The following ATP9A variants were observed in gnomAD, a reference collection of about 807,000 sequenced individuals.
The protein encoded by ATP9A is ATPase phospholipid transporting 9A.
In ATP9A, 52 loss-of-function variants were observed where a neutral mutation model predicts 144.1. The observed-to-expected ratio is 0.36, with a 90% CI of 0.29 to 0.45. ATP9A has a LOEUF of 0.45. Among genes scored for constraint, ATP9A ranks in the 20% least tolerant of loss-of-function variants. ATP9A has a pLI of 1.00. For synonymous variants in ATP9A, 582 were observed against 557.4 expected (o/e 1.04, Z -0.62); for missense variants, 947 against 1,392.7 (o/e 0.68, Z 5.09).
chr20:51,602,376 T>C (rs2122701959), intron 27 of ATP9A, among the ~76,000 whole-genome samples: 1 of 152,278 alleles, frequency 6.6e-6, no homozygotes, highest in East Asian at 1.9e-4. Context: ...ACTCACCCTG[T>C]GGTTTTCCTA....
At chr20:51,706,558 C>T (rs955600624) in intron 4 of ATP9A, among the ~76,000 whole-genome samples, 1 of 152,182 alleles carries the variant, frequency 6.6e-6, no homozygotes, top group African/African-American at 2.4e-5. Context: ...CCCAGGAGTT[C>T]GAGACTGGCC....
chr20:51,750,941 G>A (rs2077828751), intron 1 of ATP9A, among the ~76,000 whole-genome samples: 1 of 152,218 alleles, frequency 6.6e-6, no homozygotes, highest in Non-Finnish European at 1.5e-5. Context: ...AGCTGGCACT[G>A]CTATGGGAGC....
chr20:51,641,201 A>C (rs6063684), intron 14 of ATP9A, among the ~76,000 whole-genome samples: 70,012 of 151,778 alleles, frequency 0.46, 17,698 homozygotes, highest in East Asian at 0.8. Context: ...TCTACTAAAA[A>C]TACAAAAATT....
chr20:51,679,893 G>T (rs1601099941), intron 9 of ATP9A, among the ~76,000 whole-genome samples: 1 of 152,154 alleles, frequency 6.6e-6, no homozygotes, highest in East Asian at 1.9e-4. Flanking sequence ...TGTGATCAGA[G>T]TAGTCGTCTC....
chr20:51,607,661 TCTCCCG>T, intron 25 of ATP9A, 77 bp from the exon 26 acceptor site: 1 of 1,195,744 alleles, frequency 8.4e-7, no homozygotes, highest in African/African-American at 1.5e-5. Context: ...TTCACGTTAT[TCTCCCG>T]CTAACGAGAT....
At chr20:51,665,597 G>A (rs891706241) in intron 13 of ATP9A, among the ~76,000 whole-genome samples, 30 of 152,070 alleles carry the variant, frequency 2.0e-4, no homozygotes, top group Non-Finnish European at 5.9e-5. Context: ...GTTGGCACAT[G>A]CCTGTGATCC....
rs575327746 is a variant in ATP9A at position 51,677,605 on chromosome 20, T to C, written c.800-1397A>G. Among the ~76,000 whole-genome samples, 111 of 152,304 alleles carry C rather than the reference T, an allele frequency of 7.3e-4. 1 individual carries two copies. The South Asian group carries it at 0.021, about 29-fold the overall frequency. ...ACATTCCTACCTTCATTAACTATTA[T>C]GGAAACTTGGAAACAGATGCTTCTT... is the stretch of plus-strand genomic sequence containing the variant. On this transcript the variant is annotated intron_variant, in intron 9 of 27. Transcript: ENST00000338821.
intron 14 of ATP9A, among the ~76,000 whole-genome samples, chr20:51,653,671 C>A (rs1169839208): frequency 6.6e-6 from 1 of 151,894 alleles, no homozygotes; most frequent in African/African-American, 2.4e-5. Flanking sequence ...TCTGTAATCC[C>A]AACTACTTGG....
chr20:51,757,673 G>A (rs2077862347), intron 1 of ATP9A, among the ~76,000 whole-genome samples: 1 of 152,166 alleles, frequency 6.6e-6, no homozygotes, highest in Non-Finnish European at 1.5e-5. Flanking sequence ...GACAGGCAGA[G>A]GTTGGCGGAC....
At chr20:51,633,146 CA>C (rs1421503801) in intron 15 of ATP9A, among the ~76,000 whole-genome samples, 2 of 151,930 alleles carry the variant, frequency 1.3e-5, no homozygotes, top group African/African-American at 2.4e-5. Flanking sequence ...CAAAACAAAA[CA>C]AAAAAACTGA....
At chr20:51,702,365 C>CGTGTGTGTGT (rs10578719) in intron 4 of ATP9A, among the ~76,000 whole-genome samples, 1,507 of 130,280 alleles carry the variant, frequency 0.012, 21 homozygotes, top group East Asian at 0.045. Flanking sequence ...TGTGTGTGTT[C>CGTGTGTGTGT]GTGTGTGTGT....
intron 3 of ATP9A, among the ~76,000 whole-genome samples, chr20:51,714,657 C>T (rs1198047818): frequency 6.6e-6 from 1 of 152,150 alleles, no homozygotes; most frequent in African/African-American, 2.4e-5. Context: ...CGTGAGCCAC[C>T]ACGCCCAGCA....
At chr20:51,703,059 C>T (rs563685108) in intron 4 of ATP9A, among the ~76,000 whole-genome samples, 1 of 152,282 alleles carries the variant, frequency 6.6e-6, no homozygotes, top group African/African-American at 2.4e-5. Flanking sequence ...GACCAATACA[C>T]TCCCAGCTTG....
intron 21 of ATP9A, 120 bp downstream of exon 21, chr20:51,618,542 C>A (rs1482627036): frequency 1.4e-5 from 19 of 1,391,594 alleles, no homozygotes; most frequent in African/African-American, 2.9e-5. Context: ...AAAATCATGA[C>A]CTGAACAAAG....
intron 27 of ATP9A, 129 bp from the exon 28 acceptor site, chr20:51,601,476 A>T (rs779759584): frequency 1.2e-5 from 12 of 974,682 alleles, no homozygotes; most frequent in Non-Finnish European, 1.3e-5. Flanking sequence ...GCCTCCTGGC[A>T]TTGGCCCTCT....
intron 26 of ATP9A, 23 bp downstream of exon 26, chr20:51,607,504 C>G (rs1945590620): frequency 6.3e-7 from 1 of 1,592,862 alleles, no homozygotes; most frequent in South Asian, 1.1e-5. Flanking sequence ...ACAAGACAAA[C>G]AGGTGTCTCC....
At chr20:51,740,398 T>C (rs2077779790) in intron 1 of ATP9A, among the ~76,000 whole-genome samples, 1 of 148,208 alleles carries the variant, frequency 6.7e-6, no homozygotes, top group African/African-American at 2.5e-5. Context: ...TCAGCCACTA[T>C]CTAAAATCTT....
chr20:51,721,799 T>C (rs1469052291), intron 3 of ATP9A, among the ~76,000 whole-genome samples: 2 of 71,346 alleles, frequency 2.8e-5, no homozygotes, highest in Admixed American at 3.2e-4. Flanking sequence ...AGACTCCATC[T>C]CAAAAAAAAA....
At position 51,601,073 on chromosome 20, in the gene ATP9A, G is replaced by C; in HGVS notation, c.*138C>G. The C allele has an allele frequency of 1.8e-6, 2 of 1,103,852 alleles. No individual in the cohort carries two copies. Among genetic ancestry groups the C allele is most frequent in the Non-Finnish European group, 2.5e-6 (2 of 804,142 alleles). The allele number at this position is 1,103,852 out of a possible 1,614,324, so 68.4% of individuals were successfully genotyped here. On this transcript the variant is annotated 3_prime_UTR_variant, in exon 28 of 28. Coordinates refer to ENST00000338821, the MANE Select transcript of ATP9A (RefSeq NM_006045.3). ...TGCAGCGTTAGGACTCCGTTTAGGC[G>C]CAGAGCCACTTCCCATTAAAACTGC...
Sources: gnomAD v4.1 joint callset for allele counts (sites outside exome capture counted in the v4.1 genomes callset) on GRCh38, gnomAD v4.1.1 for gene constraint, MANE v1.5 for transcripts, NCBI Gene and HGNC (gene_info 2026-07-23, HGNC 2026-07-21) for gene names.